The following ZFHX3 variants were observed in gnomAD, a reference collection of about 807,000 sequenced individuals.
The protein encoded by ZFHX3 is zinc finger homeobox 3, also known as zinc finger homeobox protein 3.
A neutral mutation model predicts 279.1 loss-of-function variants in ZFHX3; 42 were observed. The observed-to-expected ratio is 0.15, with a 90% CI of 0.12 to 0.19. The LOEUF (loss-of-function observed/expected upper bound fraction) is 0.19, where lower values mean the gene tolerates loss of function less well. ZFHX3 is among the 10% of genes least tolerant of loss of function. ZFHX3 has a pLI of 1.00. For missense variants in ZFHX3, 4,981 were observed against 4,754.0 expected (o/e 1.05, Z -1.40); for synonymous variants, 2,293 against 1,957.8 (o/e 1.17, Z -4.52).
chr16:72,948,749 T>C (rs1035106889), intron 3 of ZFHX3, among the ~76,000 whole-genome samples: 1 of 152,194 alleles, frequency 6.6e-6, no homozygotes, highest in Non-Finnish European at 1.5e-5. Flanking sequence ...CAACCTTCAA[T>C]GGCCACGCCG....
intron 3 of ZFHX3, among the ~76,000 whole-genome samples, chr16:72,930,096 T>C (rs1959705483): frequency 6.6e-6 from 1 of 152,142 alleles, no homozygotes; most frequent in African/African-American, 2.4e-5. Context: ...CGGGCGCCTG[T>C]AATCCCAGCT....
intron 3 of ZFHX3, among the ~76,000 whole-genome samples, chr16:72,938,269 A>G (rs1960225605): frequency 6.6e-6 from 1 of 152,286 alleles, no homozygotes; most frequent in African/African-American, 2.4e-5. Flanking sequence ...ATACTTTCCA[A>G]CAGGGCCCCG....
At chr16:73,534,405 T>C (rs1226946688) in intron 2 of ZFHX3, among the ~76,000 whole-genome samples, 2 of 152,168 alleles carry the variant, frequency 1.3e-5, no homozygotes, top group Non-Finnish European at 2.9e-5. Context: ...GACCTTTCAG[T>C]TTCTCTTACC....
chr16:73,587,594 G>A (rs1199097139), intron 2 of ZFHX3, among the ~76,000 whole-genome samples: 1 of 152,170 alleles, frequency 6.6e-6, no homozygotes, highest in African/African-American at 2.4e-5. Context: ...AAAAGCAGCA[G>A]AATTGGGCTA....
At chr16:73,707,181 T>G (rs1302044635) in intron 1 of ZFHX3, among the ~76,000 whole-genome samples, 2 of 152,136 alleles carry the variant, frequency 1.3e-5, no homozygotes, top group Admixed American at 1.3e-4. Context: ...CCTCAGTATT[T>G]GCTCTTTCCC....
chr16:72,808,053 A>G (rs1367657195), intron 7 of ZFHX3: 1 of 152,200 alleles, frequency 6.6e-6, no homozygotes, highest in Non-Finnish European at 1.5e-5. Context: ...GAACAAACAT[A>G]TATCGTTAGA....
chr16:72,955,511 G>C (rs574000127), intron 2 of ZFHX3, among the ~76,000 whole-genome samples: 1 of 152,338 alleles, frequency 6.6e-6, no homozygotes, highest in East Asian at 1.9e-4. Context: ...GGGCACAGTG[G>C]CTCATGCCTG....
chr16:72,999,826 C>T (rs1257628497), intron 1 of ZFHX3, among the ~76,000 whole-genome samples: 2 of 152,228 alleles, frequency 1.3e-5, no homozygotes, highest in Non-Finnish European at 2.9e-5. Context: ...CTCCGCTCAG[C>T]AGCTGCACCT....
rs374728626 is a variant in ZFHX3 at position 73,468,237 on chromosome 16, C to T, written c.-1546-11979G>A. Among the ~76,000 whole-genome samples, 5 of 152,262 alleles carry T rather than the reference C, an allele frequency of 3.3e-5. No homozygotes were observed. The South Asian group carries it at 1.0e-3, about 32-fold the overall frequency. On this transcript the variant is annotated intron_variant, in intron 2 of 17. Transcript: ENST00000641206. ...ATCGCCCACACCTCTAAGGACAGTCCTCAGCCTCCTGGCCCAGGATGACTG... is the reference window on the plus strand; with the variant it reads ...ATCGCCCACACCTCTAAGGACAGTCTTCAGCCTCCTGGCCCAGGATGACTG...
At chr16:73,819,973 A>G (rs1376784678) in intron 1 of ZFHX3, among the ~76,000 whole-genome samples, 1 of 152,196 alleles carries the variant, frequency 6.6e-6, no homozygotes, top group Non-Finnish European at 1.5e-5. Context: ...CTCTTCTGCA[A>G]TGTGACCTTG....
intron 2 of ZFHX3, among the ~76,000 whole-genome samples, chr16:73,541,233 C>T (rs7201342): frequency 0.17 from 25,446 of 152,166 alleles, 2,370 homozygotes; most frequent in African/African-American, 0.26. Flanking sequence ...TGCTATCATC[C>T]CAGCACTTTG....
At chr16:73,499,841 A>G (rs1485720418) in intron 2 of ZFHX3, 1 of 152,212 alleles carries the variant, frequency 6.6e-6, no homozygotes, top group Non-Finnish European at 1.5e-5. Flanking sequence ...TAAGATTACA[A>G]TGGCGCTGAA....
intron 1 of ZFHX3, among the ~76,000 whole-genome samples, chr16:73,843,664 GCTT>G (rs969807244): frequency 5.3e-5 from 8 of 152,108 alleles, no homozygotes; most frequent in African/African-American, 1.9e-4. Context: ...TTCAATCCCC[GCTT>G]CTCACAGCAA....
chr16:73,315,036 T>C (rs2015412746), intron 4 of ZFHX3, among the ~76,000 whole-genome samples: 1 of 152,134 alleles, frequency 6.6e-6, no homozygotes, highest in African/African-American at 2.4e-5. Context: ...GATACCAGAC[T>C]GGCCAACGTA....
chr16:73,029,028 T>C (rs1964606475), intron 1 of ZFHX3, among the ~76,000 whole-genome samples: 1 of 152,120 alleles, frequency 6.6e-6, no homozygotes, highest in African/African-American at 2.4e-5. Context: ...TAACATCTTC[T>C]TCACTCACTC....
chr16:72,816,500 G>C (rs1055518753), intron 5 of ZFHX3, among the ~76,000 whole-genome samples: 1 of 152,210 alleles, frequency 6.6e-6, no homozygotes, highest in African/African-American at 2.4e-5. Context: ...TTAACAGGAC[G>C]TGAGCTATGG....
At chr16:73,352,291 T>G (rs894267758) in intron 3 of ZFHX3, among the ~76,000 whole-genome samples, 2 of 152,142 alleles carry the variant, frequency 1.3e-5, no homozygotes, top group African/African-American at 4.8e-5. Context: ...ATTAAAGTGA[T>G]TTTTAATGAC....
chr16:72,811,350 G>C (rs1211075389), intron 7 of ZFHX3, among the ~76,000 whole-genome samples: 1 of 152,236 alleles, frequency 6.6e-6, no homozygotes, highest in East Asian at 1.9e-4. Flanking sequence ...TGAGGGCAGA[G>C]AGGATGATAA....
chr16:73,784,806 T>TACACACACACAC (rs1567409723), intron 1 of ZFHX3, among the ~76,000 whole-genome samples: 115 of 121,766 alleles, frequency 9.4e-4, no homozygotes, highest in African/African-American at 4.6e-3. Flanking sequence ...AATATATATA[T>TACACACACACAC]ATATATATAT....
Sources: allele counts gnomAD v4.1 joint callset (sites outside exome capture counted in the v4.1 genomes callset), GRCh38; gene constraint gnomAD v4.1.1; transcripts MANE v1.5; gene names NCBI Gene and HGNC (gene_info 2026-07-23, HGNC 2026-07-21).